DCC: variants seen among roughly 807,000 people sequenced by gnomAD.
DCC encodes netrin receptor DCC.
In DCC, 58 loss-of-function variants were observed where a neutral mutation model predicts 172.5. The observed-to-expected ratio is 0.34, with a 90% CI of 0.27 to 0.42. The LOEUF is 0.42. Ranked by LOEUF, DCC falls within the 10% of genes least tolerant of loss-of-function variation. DCC has a pLI of 1.00. For missense variants in DCC, 1,740 were observed against 1,791.0 expected, an observed-to-expected ratio of 0.97 and a Z score of 0.51; for synonymous variants, 709 against 644.5, an observed-to-expected ratio of 1.10 and a Z score of -1.52.
intron 5 of DCC, among the ~76,000 whole-genome samples, chr18:52,959,293 T>C (rs1195299067): frequency 1.3e-5 from 2 of 152,138 alleles, no homozygotes; most frequent in Non-Finnish European, 2.9e-5. Flanking sequence ...GGTTTGCTTT[T>C]CAGAGCATTC....
At chr18:53,396,625 G>A (rs1380351716) in intron 17 of DCC, among the ~76,000 whole-genome samples, 1 of 152,144 alleles carries the variant, frequency 6.6e-6, no homozygotes, top group African/African-American at 2.4e-5. Flanking sequence ...ATGTGACTCA[G>A]CATTGCTTTT....
At chr18:53,312,960 AGGGAGTGGGG>A (rs2057295179) in intron 13 of DCC, among the ~76,000 whole-genome samples, 3 of 63,090 alleles carry the variant, frequency 4.8e-5, no homozygotes, top group Admixed American at 4.0e-4. Context: ...GGAAGGGAGG[AGGGAGTGGGG>A]AGAGGAAGGG....
At chr18:52,446,570 C>A (rs946802938) in intron 1 of DCC, among the ~76,000 whole-genome samples, 2 of 152,126 alleles carry the variant, frequency 1.3e-5, no homozygotes, top group African/African-American at 4.8e-5. Flanking sequence ...CTAAAGAATA[C>A]TTTTATAGGG....
At chr18:52,824,732 A>C (rs776692212) in intron 2 of DCC, among the ~76,000 whole-genome samples, 1 of 152,148 alleles carries the variant, frequency 6.6e-6, no homozygotes, top group Non-Finnish European at 1.5e-5. Flanking sequence ...GCACTTTGGG[A>C]GGCTGAAGCA....
chr18:53,486,666 G>A (rs1568162738), intron 25 of DCC, 131 bp from the exon 26 acceptor site: 2 of 1,223,064 alleles, frequency 1.6e-6, no homozygotes, highest in Non-Finnish European at 2.3e-6. Flanking sequence ...AGAGAGGTAA[G>A]TAAGGGAACC....
At chr18:52,475,875 A>G (rs1450709772) in intron 1 of DCC, among the ~76,000 whole-genome samples, 4 of 152,130 alleles carry the variant, frequency 2.6e-5, no homozygotes, top group Non-Finnish European at 5.9e-5. Flanking sequence ...CAGGATTTCA[A>G]CCTCCATCTG....
At chr18:53,313,578 C>A (rs2057309146) in intron 13 of DCC, among the ~76,000 whole-genome samples, 1 of 152,186 alleles carries the variant, frequency 6.6e-6, no homozygotes, top group African/African-American at 2.4e-5. Context: ...ATTAACTCTT[C>A]TTGAGACTGA....
intron 1 of DCC, among the ~76,000 whole-genome samples, chr18:52,455,929 G>A (rs557526698): frequency 3.3e-5 from 5 of 152,194 alleles, no homozygotes; most frequent in Admixed American, 2.0e-4. Flanking sequence ...CAAAATTCTG[G>A]TATCTCCATA....
At chr18:52,877,669 C>T (rs528846773) in intron 2 of DCC, among the ~76,000 whole-genome samples, 1 of 151,632 alleles carries the variant, frequency 6.6e-6, no homozygotes, top group Admixed American at 6.6e-5. Context: ...GATAGCACCA[C>T]TGTACTATAG....
chr18:53,225,446 T>A (rs1244728951), intron 12 of DCC, among the ~76,000 whole-genome samples: 2 of 152,160 alleles, frequency 1.3e-5, no homozygotes, highest in Non-Finnish European at 1.5e-5. Flanking sequence ...AATGCAATCC[T>A]TTGAGGAGGC....
intron 1 of DCC, among the ~76,000 whole-genome samples, chr18:52,743,176 TAC>T (rs1656982671): frequency 6.6e-6 from 1 of 152,180 alleles, no homozygotes; most frequent in Non-Finnish European, 1.5e-5. Flanking sequence ...ATGCACTGGG[TAC>T]TCCTTAAATC....
At chr18:53,203,198 C>A (rs1395658141) in intron 9 of DCC, among the ~76,000 whole-genome samples, 3 of 65,340 alleles carry the variant, frequency 4.6e-5, no homozygotes, top group African/African-American at 1.5e-4. Context: ...TATATAGATT[C>A]TCTTGTGTGT....
chr18:52,700,224 A>ACT (rs1319382180), intron 1 of DCC, among the ~76,000 whole-genome samples: 124 of 144,650 alleles, frequency 8.6e-4, no homozygotes, highest in Non-Finnish European at 1.5e-3. Context: ...ATGTGCACAC[A>ACT]CATGCACACT....
chr18:53,180,731 G>A (rs768428990), intron 9 of DCC, among the ~76,000 whole-genome samples: 6 of 151,972 alleles, frequency 3.9e-5, no homozygotes, highest in Non-Finnish European at 7.4e-5. Flanking sequence ...TGGCACAATC[G>A]CGGCTCATTG....
intron 1 of DCC, among the ~76,000 whole-genome samples, chr18:52,355,443 C>G (rs977573501): frequency 6.6e-6 from 1 of 152,114 alleles, no homozygotes; most frequent in Non-Finnish European, 1.5e-5. Context: ...GCTGTGTGAC[C>G]CTCACTATGA....
At chr18:53,403,074 GCACACACACACACACACACA>G (rs3059148) in intron 19 of DCC, among the ~76,000 whole-genome samples, 181 bp downstream of exon 19, 6,692 of 145,894 alleles carry the variant, frequency 0.046, 212 homozygotes, top group Non-Finnish European at 0.062. Flanking sequence ...TTCTAATGGT[GCACACACACACACACACACA>G]CACACACACA....
chr18:52,803,641 T>C (rs1349740668), intron 2 of DCC, among the ~76,000 whole-genome samples: 1 of 152,194 alleles, frequency 6.6e-6, no homozygotes, highest in Non-Finnish European at 1.5e-5. Flanking sequence ...TTTCAAATTA[T>C]TGCAAATCTC....
At chr18:52,721,627 C>A (rs999649723) in intron 1 of DCC, among the ~76,000 whole-genome samples, 1 of 152,150 alleles carries the variant, frequency 6.6e-6, no homozygotes, top group Non-Finnish European at 1.5e-5. Context: ...TTCACTAAGG[C>A]ACATATCACA....
At chr18:52,614,920 C>T (rs2034351447) in intron 1 of DCC, among the ~76,000 whole-genome samples, 2 of 152,278 alleles carry the variant, frequency 1.3e-5, no homozygotes, top group African/African-American at 4.8e-5. Flanking sequence ...GAGAATACTA[C>T]TTGTGAGCAA....
Sources: gnomAD v4.1 joint callset for allele counts (sites outside exome capture counted in the v4.1 genomes callset) on GRCh38, gnomAD v4.1.1 for gene constraint, MANE v1.5 for transcripts, NCBI Gene and HGNC (gene_info 2026-07-23, HGNC 2026-07-21) for gene names.